Variants in AGMO observed in about 807,000 individuals in gnomAD.
The protein encoded by AGMO is glyceryl-ether monooxygenase.
A neutral mutation model predicts 60.2 loss-of-function variants in AGMO; 75 were observed. That is an observed-to-expected ratio of 1.25 (90% CI 1.03 to 1.51). The LOEUF is 1.51. Ranked by LOEUF, AGMO falls within the 40% of genes most tolerant of loss-of-function variation. AGMO has a pLI of 0.00. For missense variants in AGMO, 763 were observed against 525.5 expected (o/e 1.45, Z -4.42); for synonymous variants, 261 against 177.1 (o/e 1.47, Z -3.76).
rs549642690 is a variant in AGMO at position 15,261,069 on chromosome 7, G to A, written c.1264-59710C>T. On this transcript the variant is annotated intron_variant, in intron 12 of 12. Transcript: ENST00000342526. ...AATACCTACATCAAAAAGTCTGAAT[G>A]AGCATAAATAGACAATCTAAAGTCA... Among the ~76,000 whole-genome samples the A allele has an allele frequency of 4.7e-4, 71 of 152,080 alleles. No homozygotes were observed. In the South Asian group the frequency reaches 0.014, roughly 29 times the overall value.
intron 12 of AGMO, chr7:15,358,483 C>G: frequency 2.1e-6 from 1 of 466,422 alleles, no homozygotes; most frequent in Non-Finnish European, 4.4e-6. Context: ...TGTTGGTACT[C>G]CGTGATTTCA....
At chr7:15,528,482 AC>A (rs1784184357) in intron 3 of AGMO, among the ~76,000 whole-genome samples, 1 of 152,092 alleles carries the variant, frequency 6.6e-6, no homozygotes, top group Non-Finnish European at 1.5e-5. Flanking sequence ...GATCTGAAGT[AC>A]CTAACATCGT....
chr7:15,532,906 G>A (rs1345014392), intron 3 of AGMO, among the ~76,000 whole-genome samples: 1 of 152,082 alleles, frequency 6.6e-6, no homozygotes, highest in Non-Finnish European at 1.5e-5. Context: ...TGGTAGGATG[G>A]CTTGAGCCCA....
chr7:15,310,501 T>C (rs1287773541), intron 12 of AGMO, among the ~76,000 whole-genome samples: 3 of 152,132 alleles, frequency 2.0e-5, no homozygotes, highest in Admixed American at 6.6e-5. Context: ...AATTAAATAA[T>C]TGGATCAGAC....
intron 12 of AGMO, among the ~76,000 whole-genome samples, chr7:15,247,343 G>T (rs1782769567): frequency 6.7e-6 from 1 of 150,164 alleles, no homozygotes; most frequent in African/African-American, 2.5e-5. Flanking sequence ...ATGCTGAAAA[G>T]ATAAAATATG....
At chr7:15,241,067 A>ATATCAGGGAAAGTCAGTCAGTTCC (rs1782573213) in intron 12 of AGMO, among the ~76,000 whole-genome samples, 1 of 152,186 alleles carries the variant, frequency 6.6e-6, no homozygotes, top group Non-Finnish European at 1.5e-5. Context: ...GAAATCATCA[A>ATATCAGGGAAAGTCAGTCAGTTCC]TATCAGGGAA....
chr7:15,137,503 A>G, the AGMO span, among the ~76,000 whole-genome samples: 1 of 152,190 alleles, frequency 6.6e-6, no homozygotes, highest in Non-Finnish European at 1.5e-5. Context: ...ATTTGGGGAA[A>G]GTTTTAGGGG....
At chr7:15,142,548 T>C in the AGMO span, among the ~76,000 whole-genome samples, 3 of 152,232 alleles carry the variant, frequency 2.0e-5, no homozygotes, top group Non-Finnish European at 4.4e-5. Flanking sequence ...GTCTCATTAG[T>C]CTTTTCTCTT....
chr7:15,427,984 A>ACTCAATTTCACATTTCAATGTGAAATGAG (rs1781116730), intron 4 of AGMO, among the ~76,000 whole-genome samples: 12 of 146,876 alleles, frequency 8.2e-5, no homozygotes, highest in African/African-American at 3.0e-4. Context: ...GAAGAAATAT[A>ACTCAATTTCACATTTCAATGTGAAATGAG]CTTAATTTCA....
chr7:15,386,873 CTTTTT>C (rs926293105), intron 9 of AGMO, among the ~76,000 whole-genome samples: 1 of 152,164 alleles, frequency 6.6e-6, no homozygotes, highest in African/African-American at 2.4e-5. Context: ...TTTTAAAGAT[CTTTTT>C]TATTTTTGGT....
At chr7:15,150,062 T>G in the AGMO span, among the ~76,000 whole-genome samples, 6 of 152,240 alleles carry the variant, frequency 3.9e-5, no homozygotes, top group African/African-American at 1.4e-4. Context: ...TTGTGGTTAT[T>G]ATGAATGGGA....
At chr7:15,325,454 T>C (rs1781308205) in intron 12 of AGMO, among the ~76,000 whole-genome samples, 1 of 152,006 alleles carries the variant, frequency 6.6e-6, no homozygotes, top group African/African-American at 2.4e-5. Context: ...AGCTTATTTT[T>C]AATTATTTTC....
intron 12 of AGMO, among the ~76,000 whole-genome samples, chr7:15,252,716 A>T (rs1300937580): frequency 6.6e-6 from 1 of 152,136 alleles, no homozygotes; most frequent in Non-Finnish European, 1.5e-5. Context: ...TCAGTTAAGA[A>T]CTTGTGATTC....
rs1470043008 is a variant in AGMO, at chr7:15,322,717, T to C, written c.1263+42797A>G. On this transcript the variant is annotated intron_variant, in intron 12 of 12. Transcript: ENST00000342526. ...ATGAATATGTATAAATATATATAAA[T>C]ATATAAATATATATATAAATATATA... 7.0e-4 allele frequency among the ~76,000 whole-genome samples: 29 copies of C among 41,320 alleles called. 6 individuals are homozygous for C. The highest frequency in any genetic ancestry group is 3.7e-3 in the African/African-American group (24 of 6,548). The allele number at this position is 41,320 out of a possible 152,430, so 27.1% of individuals were successfully genotyped here. A position where few individuals can be genotyped will look rare whatever the true frequency, so the allele number is the denominator to read the frequency against.
At chr7:15,127,912 C>T in the AGMO span, among the ~76,000 whole-genome samples, 7 of 152,028 alleles carry the variant, frequency 4.6e-5, no homozygotes, top group South Asian at 2.1e-4. Flanking sequence ...CAGGAATTTA[C>T]GGTGTTTTCT....
intron 2 of AGMO, among the ~76,000 whole-genome samples, chr7:15,546,117 T>C (rs1410728528): frequency 1.3e-5 from 2 of 152,174 alleles, no homozygotes; most frequent in Admixed American, 1.3e-4. Flanking sequence ...AATTTTATTC[T>C]TGAATTTAAT....
chr7:15,346,318 G>A (rs907026440), intron 12 of AGMO, among the ~76,000 whole-genome samples: 13 of 152,140 alleles, frequency 8.5e-5, no homozygotes, highest in African/African-American at 2.9e-4. Flanking sequence ...TGGGAAAGAG[G>A]TAACAGCATT....
chr7:15,320,899 A>G (rs1781089010), intron 12 of AGMO, among the ~76,000 whole-genome samples: 1 of 152,186 alleles, frequency 6.6e-6, no homozygotes, highest in Non-Finnish European at 1.5e-5. Flanking sequence ...TTAAAACAAT[A>G]AAGTTTAACT....
the AGMO span, among the ~76,000 whole-genome samples, chr7:15,159,420 T>C: frequency 1.3e-5 from 2 of 152,212 alleles, no homozygotes; most frequent in Non-Finnish European, 2.9e-5. Context: ...ATTTCAGTTC[T>C]TCTGTTTCTT....
Sources: allele counts gnomAD v4.1 joint callset (sites outside exome capture counted in the v4.1 genomes callset), GRCh38; gene constraint gnomAD v4.1.1; transcripts MANE v1.5; gene names NCBI Gene and HGNC (gene_info 2026-07-23, HGNC 2026-07-21).